Variants in NACC2 observed in about 807,000 individuals in gnomAD.
NACC2 encodes NACC family member 2, also known as nucleus accumbens-associated protein 2.
NACC2 carries 8 observed loss-of-function variants against 25.1 expected under a neutral mutation model. That is an observed-to-expected ratio of 0.32 (90% CI 0.19 to 0.57). The LOEUF is 0.57. Among genes scored for constraint, NACC2 ranks in the 20% least tolerant of loss-of-function variants. The pLI is 0.89. For missense variants in NACC2, 644 were observed against 650.2 expected (o/e 0.99, Z 0.10); for synonymous variants, 435 against 294.7 (o/e 1.48, Z -4.88).
intron 2 of NACC2, among the ~76,000 whole-genome samples, chr9:136,027,252 T>G (rs2131144510): frequency 6.6e-6 from 1 of 152,116 alleles, no homozygotes; most frequent in East Asian, 1.9e-4. Context: ...TTAATGTTTG[T>G]GAAGAATGAA....
At chr9:136,039,202 G>A (rs1840595371) in intron 2 of NACC2, among the ~76,000 whole-genome samples, 1 of 152,122 alleles carries the variant, frequency 6.6e-6, no homozygotes, top group Non-Finnish European at 1.5e-5. Flanking sequence ...CTTCAGAGAT[G>A]GATAAATGAC....
At chr9:136,047,817 G>A (rs1200069170) in intron 2 of NACC2, among the ~76,000 whole-genome samples, 3 of 152,180 alleles carry the variant, frequency 2.0e-5, no homozygotes, top group East Asian at 3.9e-4. Flanking sequence ...AAGTCCAGGC[G>A]ATGTGAGGGC....
chr9:136,029,810 G>C (rs1376182079), intron 2 of NACC2, among the ~76,000 whole-genome samples: 1 of 152,162 alleles, frequency 6.6e-6, no homozygotes, highest in East Asian at 1.9e-4. Context: ...ACAGTGGCTG[G>C]GCCTGGAGCT....
intron 1 of NACC2, among the ~76,000 whole-genome samples, chr9:136,070,821 A>G (rs1841142305): frequency 6.6e-6 from 1 of 151,890 alleles, no homozygotes; most frequent in African/African-American, 2.4e-5. Context: ...TAAAGTTGAC[A>G]AACATCTAGC....
chr9:136,083,656 G>A (rs750951779), intron 1 of NACC2, among the ~76,000 whole-genome samples: 13 of 152,304 alleles, frequency 8.5e-5, no homozygotes, highest in African/African-American at 2.2e-4. Flanking sequence ...CACCACAGGC[G>A]GCTGGCACCA....
rs11103287 is a variant in NACC2, at chr9:136,042,777, G to C, written c.886+6859C>G. ...AGAGACACACACACAGAGACACACA[G>C]ACACACACACACATAGACACAGTGT... On this transcript the variant is annotated intron_variant, in intron 2 of 5. Transcript: ENST00000277554. Among the ~76,000 whole-genome samples the C allele has an allele frequency of 7.8e-3, 955 of 122,328 alleles. 13 individuals are homozygous for C. Among genetic ancestry groups the C allele is most frequent in the African/African-American group, 0.023 (831 of 35,820 alleles). The allele number at this position is 122,328 out of a possible 152,430, so 80.3% of individuals were successfully genotyped here.
intron 1 of NACC2, 120 bp downstream of exon 1, chr9:136,095,069 A>G (rs1830475693): frequency 6.9e-6 from 1 of 145,196 alleles, no homozygotes; most frequent in African/African-American, 2.5e-5. Context: ...GCACTGCGGC[A>G]GGGGGCTCGC....
In NACC2 at chr9:136,019,723, C is replaced by T. The variant is rs552772666; in HGVS notation, c.887-3294G>A. Among the ~76,000 whole-genome samples the T allele has an allele frequency of 1.8e-4, 28 of 152,254 alleles. No individual in the cohort carries two copies. Among genetic ancestry groups the T allele is most frequent in the African/African-American group, 5.3e-4 (22 of 41,560 alleles). On this transcript the variant is annotated intron_variant, in intron 2 of 5. Transcript: ENST00000277554. This position sits in a 1 kb window ranked among gnomAD's most constrained non-coding sequence, Gnocchi z 5.2. ...AGGTGGGCAGCCTCCCTGGACCACA[C>T]GGGGCGAAGCAAACACAAGGACAAA...
At chr9:136,091,601 G>A (rs950858959) in intron 1 of NACC2, among the ~76,000 whole-genome samples, 10 of 152,202 alleles carry the variant, frequency 6.6e-5, no homozygotes, top group South Asian at 2.1e-4. Flanking sequence ...CCAGACAGAT[G>A]CCTTCACGCC....
Position 136,033,097 on chromosome 9 carries a change from G to A in NACC2, c.886+16539C>T, listed in dbSNP as rs1588564567. 4.0e-5 allele frequency among the ~76,000 whole-genome samples: 6 copies of A among 151,338 alleles called. No homozygotes were observed. In the East Asian group the frequency reaches 9.7e-4, roughly 25 times the overall value. On this transcript the variant is annotated intron_variant, in intron 2 of 5. Transcript: ENST00000277554. The stretch of plus-strand genomic sequence containing the variant: ...AGGCTGAGGTAGGAGAATCACTTGA[G>A]CCCAGGAGGTGGAGACTGCAGTGAG...
At position 136,019,780 on chromosome 9, in the gene NACC2, G is replaced by C. The variant is rs1840261095; in HGVS notation, c.887-3351C>G. Reference sequence around the variant, plus strand: ...CCGGGGCGCGGGGTTGGGGCCTTCAGGGACCCAGAAGGAGCCCCCGCCGTA... The same window carrying C: ...CCGGGGCGCGGGGTTGGGGCCTTCACGGACCCAGAAGGAGCCCCCGCCGTA... On this transcript the variant is annotated intron_variant, in intron 2 of 5. Coordinates refer to ENST00000277554, the MANE Select transcript of NACC2 (RefSeq NM_144653.5). This position sits in a 1 kb window ranked among gnomAD's most constrained non-coding sequence, Gnocchi z 5.2. Among the ~76,000 whole-genome samples the C allele has an allele frequency of 6.6e-6, 1 of 152,112 alleles. No individual in the cohort carries two copies. Among genetic ancestry groups the C allele is most frequent in the African/African-American group, 2.4e-5 (1 of 41,420 alleles).
chr9:136,052,715 C>G, intron 1 of NACC2, among the ~76,000 whole-genome samples: 1 of 152,240 alleles, frequency 6.6e-6, no homozygotes. Context: ...GGGGCAGCCC[C>G]GCCTGAGAGG....
intron 1 of NACC2, among the ~76,000 whole-genome samples, chr9:136,082,761 C>G (rs1207659030): frequency 6.6e-6 from 1 of 152,160 alleles, no homozygotes; most frequent in Admixed American, 6.5e-5. Context: ...CTCTCCCCGG[C>G]GGGTGGGGCT....
intron 1 of NACC2, among the ~76,000 whole-genome samples, chr9:136,066,755 G>T (rs1841087392): frequency 6.6e-6 from 1 of 152,086 alleles, no homozygotes; most frequent in African/African-American, 2.4e-5. Flanking sequence ...GGGCTGAATG[G>T]GTAAGTAAAA....
chr9:136,056,596 G>A (rs1010900347), intron 1 of NACC2, among the ~76,000 whole-genome samples: 7 of 152,260 alleles, frequency 4.6e-5, no homozygotes, highest in Non-Finnish European at 5.9e-5. Flanking sequence ...GTGGCAGAGA[G>A]GAGAGTTCCA....
chr9:136,013,336 TGGGGA>T lies in NACC2; in HGVS notation c.1158-45_1158-41del, dbSNP rs1840143220. The T allele has an allele frequency of 6.3e-7, 1 of 1,582,766 alleles. No individual in the cohort carries two copies. The highest frequency in any genetic ancestry group is 1.7e-5 in the Admixed American group (1 of 59,392). On this transcript the variant is annotated intron_variant, in intron 4 of 5. Coordinates refer to ENST00000277554, the MANE Select transcript of NACC2 (RefSeq NM_144653.5). This position sits in a 1 kb window ranked among gnomAD's most constrained non-coding sequence, Gnocchi z 6.6. ...GGAAAGGCAGGCAGGGTGAGGATGATGGGGAGGGTACCTGGAGGCGACCCGCCCGC... is the reference window on the plus strand; with the variant it reads ...GGAAAGGCAGGCAGGGTGAGGATGATGGGTACCTGGAGGCGACCCGCCCGC...
chr9:136,008,192 C>G lies in NACC2; in HGVS notation c.*3324G>C, dbSNP rs1251102393. ...GGGTGGACAGACACAATGCGGAAAACAAGACAGAATTCAAGTACCGAGGCA... is the reference window on the plus strand; with the variant it reads ...GGGTGGACAGACACAATGCGGAAAAGAAGACAGAATTCAAGTACCGAGGCA... On this transcript the variant is annotated 3_prime_UTR_variant, in exon 6 of 6. Coordinates refer to ENST00000277554, the MANE Select transcript of NACC2 (RefSeq NM_144653.5). 2 of 152,352 alleles carry G rather than the reference C, an allele frequency of 1.3e-5. No individual in the cohort carries two copies. The highest frequency in any genetic ancestry group is 3.8e-4 in the East Asian group (2 of 5,196). 9.4% of individuals were successfully genotyped at this position (152,352 alleles called of 1,614,324 possible). A position where few individuals can be genotyped will look rare whatever the true frequency, so the allele number is the denominator to read the frequency against.
rs1830357157 is a variant in NACC2 at position 136,084,519 on chromosome 9, A to G, written c.-60+10670T>C. Among the ~76,000 whole-genome samples, 1 of 152,214 alleles carries G rather than the reference A, an allele frequency of 6.6e-6. No homozygotes were observed. Among genetic ancestry groups the G allele is most frequent in the Non-Finnish European group, 1.5e-5 (1 of 68,034 alleles). On this transcript the variant is annotated intron_variant, in intron 1 of 5. Transcript: ENST00000277554. The surrounding 1 kb of genome is among the most constrained non-coding windows in gnomAD (Gnocchi z 5.1). ...AACCTACCTCGAGGGTCCATCTATC[A>G]AATCTGTCAAACTGGCCCAGACCCC... is the stretch of plus-strand genomic sequence containing the variant.
intron 1 of NACC2, among the ~76,000 whole-genome samples, chr9:136,076,133 A>C (rs534846772): frequency 2.2e-4 from 34 of 152,328 alleles, no homozygotes; most frequent in Non-Finnish European, 1.5e-4. Context: ...AGTAGTGATG[A>C]CACCCCATAC....
Sources: allele counts gnomAD v4.1 joint callset (sites outside exome capture counted in the v4.1 genomes callset), GRCh38; gene constraint gnomAD v4.1.1; non-coding constraint Gnocchi (gnomAD v3.1); transcripts MANE v1.5; gene names NCBI Gene and HGNC (gene_info 2026-07-23, HGNC 2026-07-21).